Variants in AKAP9 observed in about 807,000 individuals in gnomAD.
AKAP9 encodes the protein A-kinase anchor protein 9.
A neutral mutation model predicts 488.5 loss-of-function variants in AKAP9; 311 were observed. That is an observed-to-expected ratio of 0.64 (90% CI 0.58 to 0.70). AKAP9 has a LOEUF of 0.70. Among genes scored for constraint, AKAP9 ranks in the 30% least tolerant of loss-of-function variants. The probability of loss-of-function intolerance (pLI) is 0.00; values close to 1 mark genes in which losing one functional copy is unlikely to be tolerated. For missense variants in AKAP9, 4,215 were observed against 4,374.5 expected (o/e 0.96, Z 1.03); for synonymous variants, 1,462 against 1,483.5 (o/e 0.99, Z 0.33).
At position 91,995,680 on chromosome 7, in the gene AKAP9, C is replaced by T; in HGVS notation, c.810C>T (p.Ile270=). The T allele has an allele frequency of 1.9e-6, 3 of 1,614,066 alleles. No homozygotes were observed. The highest frequency in any genetic ancestry group is 2.5e-6 in the Non-Finnish European group (3 of 1,179,992). Reference sequence around the variant, plus strand: ...ACTTACTACAAGCCAAACAACAGATCCTCACTCATCAACAGCAGCTTGAAG... The same window carrying T: ...ACTTACTACAAGCCAAACAACAGATTCTCACTCATCAACAGCAGCTTGAAG... ...AADLLQAKQQ[I]LTHQQQLEEQ... The change falls in exon 7 of 50, where the codon ATC becomes ATT. Residue 270 remains isoleucine, a synonymous_variant. Transcript: ENST00000356239.
intron 8 of AKAP9, among the ~76,000 whole-genome samples, chr7:92,005,903 A>C (rs1407924665): frequency 1.3e-5 from 2 of 152,112 alleles, no homozygotes; most frequent in Non-Finnish European, 2.9e-5. Context: ...TCCTGACCTT[A>C]GGTGATCCAA....
chr7:92,018,395 AACACACACACACACACACACACAC>A (rs56394853), intron 12 of AKAP9, among the ~76,000 whole-genome samples: 2 of 120,608 alleles, frequency 1.7e-5, no homozygotes, highest in East Asian at 4.8e-4. Flanking sequence ...CTAAAAATAT[AACACACACACACACACACACACAC>A]ACACACACAC....
chr7:92,099,766 A>G lies in AKAP9; in HGVS notation c.10793A>G (p.His3598Arg), dbSNP rs755110736. Residue 3598 changes from histidine to arginine, a missense_variant, in exon 44 of 50, where the codon CAT (histidine) becomes CGT (arginine). By Grantham distance (29) the His-to-Arg change is conservative. Around this residue, in one of 5 missense-constraint regions of AKAP9, gnomAD observed 74 missense variants for 113.0 expected, o/e 0.65. Transcript: ENST00000356239. ...AGACAAAATGCTGAGCTGACAGGGCATATCAGTCAACTGACTGAAGAGAAG... is the reference window on the plus strand; with the variant it reads ...AGACAAAATGCTGAGCTGACAGGGCGTATCAGTCAACTGACTGAAGAGAAG... Reference protein sequence around the residue: ...LLRQNAELTGHISQLTEEKND... With the variant: ...LLRQNAELTGRISQLTEEKND... 6.2e-6 allele frequency: 10 copies of G among 1,614,102 alleles called. No homozygotes were observed. The South Asian group carries it at 1.1e-4, about 18-fold the overall frequency.
At chr7:92,061,487 T>C (rs1357203078) in intron 23 of AKAP9, 65 bp downstream of exon 23, 7 of 1,576,838 alleles carry the variant, frequency 4.4e-6, no homozygotes, top group Non-Finnish European at 6.1e-6. Flanking sequence ...AGATTTTTGA[T>C]GCACAGCCAG....
chr7:92,091,603 A>T lies in AKAP9; in HGVS notation c.9359-1494A>T, dbSNP rs565408585. ...TCTGTCTCAAAAAAAAAAAACAAAA[A>T]AAAAAAACAAAGCAGAAGCATTCTT... On this transcript the variant is annotated intron_variant, in intron 38 of 49. Coordinates refer to ENST00000356239, the MANE Select transcript of AKAP9 (RefSeq NM_005751.5). Among the ~76,000 whole-genome samples the T allele has an allele frequency of 7.1e-4, 107 of 151,172 alleles. 2 individuals carry two copies. Among genetic ancestry groups the T allele is most frequent in the African/African-American group, 2.3e-3 (94 of 41,282 alleles).
At chr7:91,986,754 A>G (rs946071128) in intron 3 of AKAP9, among the ~76,000 whole-genome samples, 55 of 152,256 alleles carry the variant, frequency 3.6e-4, no homozygotes, top group African/African-American at 1.2e-3. Flanking sequence ...CCTAGTAAAT[A>G]TATGTTTTAA....
intron 3 of AKAP9, among the ~76,000 whole-genome samples, chr7:91,988,493 A>G (rs55779666): frequency 4.0e-4 from 61 of 152,014 alleles, no homozygotes; most frequent in Non-Finnish European, 7.5e-4. Flanking sequence ...AGAGAGAGAG[A>G]TTTCTGGGCA....
At chr7:92,096,632 C>T (rs1271889117) in intron 40 of AKAP9, 57 bp from the exon 41 acceptor site, 29 of 1,602,222 alleles carry the variant, frequency 1.8e-5, no homozygotes, top group African/African-American at 4.0e-5. Context: ...CCACCACGCC[C>T]GGCCAAGTAT....
At position 92,108,679 on chromosome 7, in the gene AKAP9, C is replaced by A. The variant is rs779418247; in HGVS notation, c.11686+46C>A. 10 of 1,609,888 alleles carry A rather than the reference C, an allele frequency of 6.2e-6. No individual in the cohort carries two copies. The South Asian group carries it at 1.1e-4, about 18-fold the overall frequency. On this transcript the variant is annotated intron_variant, in intron 49 of 49. Transcript: ENST00000356239. ...TCTTGGCAGCACCACAGTGCGAGACCCACAGCTCCCCTTTCTTTGAAATTC... is the reference window on the plus strand; with the variant it reads ...TCTTGGCAGCACCACAGTGCGAGACACACAGCTCCCCTTTCTTTGAAATTC...
At chr7:91,978,588 G>C (rs1214285898) in intron 2 of AKAP9, among the ~76,000 whole-genome samples, 1 of 152,166 alleles carries the variant, frequency 6.6e-6, no homozygotes, top group South Asian at 2.1e-4. Context: ...CCAAATCCAG[G>C]CATGTGATAG....
intron 3 of AKAP9, among the ~76,000 whole-genome samples, chr7:91,983,177 A>G (rs372176692): frequency 2.0e-5 from 3 of 151,610 alleles, no homozygotes; most frequent in East Asian, 3.9e-4. Flanking sequence ...CATTTGGTAT[A>G]CCTCCTAATG....
chr7:92,080,515 G>GCA lies in AKAP9; in HGVS notation c.8019+363_8019+364insCA, dbSNP rs1198644333. Among the ~76,000 whole-genome samples, 9 of 151,790 alleles carry GCA rather than the reference G, an allele frequency of 5.9e-5. No individual in the cohort carries two copies. In the East Asian group the frequency reaches 1.7e-3, roughly 29 times the overall value. ...CGGGAGGCTGAGGCAGGAGAATGCT[G>GCA]TGAACCCGGGAGGCAGAGCTTGCAG... On this transcript the variant is annotated intron_variant, in intron 31 of 49. Transcript: ENST00000356239.
Position 92,001,154 on chromosome 7 carries a change from C to G in AKAP9, c.1237C>G (p.Gln413Glu). 1 of 1,613,946 alleles carries G rather than the reference C, an allele frequency of 6.2e-7. No homozygotes were observed. Among genetic ancestry groups the G allele is most frequent in the Non-Finnish European group, 8.5e-7 (1 of 1,179,940 alleles). Residue 413 changes from glutamine (Q) to glutamate (E), a missense_variant, in exon 8 of 50, where the codon CAG becomes GAG. Around this residue, in one of 5 missense-constraint regions of AKAP9, gnomAD observed 2,361 missense variants for 2,430.0 expected, o/e 0.97. Coordinates refer to ENST00000356239, the MANE Select transcript of AKAP9 (RefSeq NM_005751.5). Reference sequence around the variant, plus strand: ...TCAGAAGAGAAATCATAAAGACAGCCAGTTCGAAACTGATATAGTACAACG... The same window carrying G: ...TCAGAAGAGAAATCATAAAGACAGCGAGTTCGAAACTGATATAGTACAACG... ...ELQKRNHKDS[Q>E]FETDIVQRME...
Position 92,002,539 on chromosome 7 carries a change from A to G in AKAP9, c.2622A>G (p.Val874=). Residue 874 remains valine (V), a synonymous_variant, in exon 8 of 50, where the codon GTA becomes GTG. Transcript: ENST00000356239. ...AGGAGTATGCTTGCCTTCTCAAAGT[A>G]AAAGATGATTTAGAAGACAGTAAAA... is the stretch of plus-strand genomic sequence containing the variant. The part of the protein sequence containing the change: ...LQEEYACLLK[V]KDDLEDSKNK... 2 of 1,610,280 alleles carry G rather than the reference A, an allele frequency of 1.2e-6. No individual in the cohort carries two copies. Among genetic ancestry groups the G allele is most frequent in the South Asian group, 1.1e-5 (1 of 90,068 alleles).
At chr7:92,101,875 G>A (rs961810344) in intron 45 of AKAP9, among the ~76,000 whole-genome samples, 1 of 152,082 alleles carries the variant, frequency 6.6e-6, no homozygotes, top group Admixed American at 6.5e-5. Context: ...GTTAGATTAG[G>A]CCAGGCACTG....
In AKAP9 at chr7:92,045,191, T is replaced by C. The variant is rs1324899423; in HGVS notation, c.5346T>C (p.Cys1782=). 4 of 1,613,898 alleles carry C rather than the reference T, an allele frequency of 2.5e-6. No individual in the cohort carries two copies. The highest frequency in any genetic ancestry group is 1.3e-5 in the African/African-American group (1 of 74,908). ...RSEAEASVKS[C]VHEEHTRVTD... ...AAGCAGAGGCATCTGTAAAGTCATGTGTCCATGAGGAACATACAAGAGGTA... is the reference window on the plus strand; with the variant it reads ...AAGCAGAGGCATCTGTAAAGTCATGCGTCCATGAGGAACATACAAGAGGTA... The change falls in exon 21 of 50, where the codon TGT becomes TGC. Residue 1782 remains cysteine (C), a synonymous_variant. Transcript: ENST00000356239.
chr7:92,031,493 A>G lies in AKAP9; in HGVS notation c.4246-19A>G. On this transcript the variant is annotated intron_variant, in intron 15 of 49. Transcript: ENST00000356239. ...TATAATTAATGTAAATAAATGTCATATTTTGCTTTTAAATGTAGTTTTCTG... is the reference window on the plus strand; with the variant it reads ...TATAATTAATGTAAATAAATGTCATGTTTTGCTTTTAAATGTAGTTTTCTG... The G allele has an allele frequency of 2.0e-6, 3 of 1,530,508 alleles. No individual in the cohort carries two copies. The highest frequency in any genetic ancestry group is 2.7e-6 in the Non-Finnish European group (3 of 1,104,826). The allele number at this position is 1,530,508 out of a possible 1,614,324, so 94.8% of individuals were successfully genotyped here.
intron 21 of AKAP9, among the ~76,000 whole-genome samples, chr7:92,045,947 C>T (rs1296503390): frequency 6.6e-6 from 1 of 150,398 alleles, no homozygotes; most frequent in Non-Finnish European, 1.5e-5. Context: ...AATTCTCCTG[C>T]CTCAGCCTCT....
At chr7:91,945,807 A>AT (rs1791387247) in intron 1 of AKAP9, among the ~76,000 whole-genome samples, 1 of 152,094 alleles carries the variant, frequency 6.6e-6, no homozygotes, top group South Asian at 2.1e-4. Context: ...AAATGACTTC[A>AT]TTTTTTTCCA....
Sources: gnomAD v4.1 joint callset for allele counts (sites outside exome capture counted in the v4.1 genomes callset) on GRCh38, gnomAD v4.1.1 for gene constraint, gnomAD v4.1.1 regional missense constraint, MANE v1.5 for transcripts, NCBI Gene and HGNC (gene_info 2026-07-23, HGNC 2026-07-21) for gene names.